DPP6: variants seen among roughly 807,000 people sequenced by gnomAD.
The protein encoded by DPP6 is A-type potassium channel modulatory protein DPP6.
DPP6 carries 69 observed loss-of-function variants against 122.6 expected under a neutral mutation model. The ratio of observed to expected loss-of-function variants is 0.56; its 90% CI spans 0.46 to 0.69. The LOEUF (loss-of-function observed/expected upper bound fraction) is 0.69. Among genes scored for constraint, DPP6 ranks in the 30% least tolerant of loss-of-function variants. The pLI is 0.00. For missense variants in DPP6, 928 were observed against 1,116.9 expected (o/e 0.83, Z 2.41); for synonymous variants, 418 against 433.1 (o/e 0.97, Z 0.43).
At chr7:153,947,210 A>G (rs1052654497) in intron 1 of DPP6, among the ~76,000 whole-genome samples, 18 of 152,154 alleles carry the variant, frequency 1.2e-4, no homozygotes, top group African/African-American at 3.9e-4. Flanking sequence ...CACTTACTGC[A>G]TTCCTTTCCC....
Position 154,626,943 on chromosome 7 carries a change from A to G in DPP6, c.628-10878A>G, listed in dbSNP as rs577561687. ...TTGTTTTATGTCATATGAGCTAAAC[A>G]TCTTTACCTTTTACTAAATATTTCA... On this transcript the variant is annotated intron_variant, in intron 5 of 25. Coordinates refer to ENST00000377770, the MANE Select transcript of DPP6 (RefSeq NM_130797.4). Among the ~76,000 whole-genome samples, 50 of 149,708 alleles carry G rather than the reference A, an allele frequency of 3.3e-4. 1 individual carries two copies. The South Asian group carries it at 0.01, about 30-fold the overall frequency.
intron 3 of DPP6, among the ~76,000 whole-genome samples, chr7:154,524,954 G>T (rs1450093520): frequency 6.6e-6 from 1 of 151,964 alleles, no homozygotes; most frequent in East Asian, 1.9e-4. Flanking sequence ...ATTTTTTCAA[G>T]GATCCCTGGC....
intron 1 of DPP6, among the ~76,000 whole-genome samples, chr7:154,017,077 GT>G (rs974524821): frequency 3.9e-5 from 6 of 152,114 alleles, no homozygotes; most frequent in East Asian, 1.9e-4. Context: ...AACAATATAT[GT>G]TTTTTTTGAG....
At chr7:153,847,514 G>C in the DPP6 span, among the ~76,000 whole-genome samples, 1 of 152,192 alleles carries the variant, frequency 6.6e-6, no homozygotes, top group South Asian at 2.1e-4. Context: ...TCTGAAAAGA[G>C]AGTGGATTTT....
At chr7:154,463,549 C>T (rs995509178) in intron 2 of DPP6, among the ~76,000 whole-genome samples, 2 of 152,048 alleles carry the variant, frequency 1.3e-5, no homozygotes, top group African/African-American at 4.8e-5. Context: ...TCCCTGTAGC[C>T]CCACAGCTGG....
chr7:154,562,432 T>C (rs1830480760), intron 4 of DPP6, among the ~76,000 whole-genome samples: 2 of 151,990 alleles, frequency 1.3e-5, no homozygotes, highest in African/African-American at 4.8e-5. Context: ...AAACTAGAAA[T>C]AGACAGGAAT....
intron 7 of DPP6, among the ~76,000 whole-genome samples, chr7:154,670,463 A>G (rs911022361): frequency 2.0e-5 from 3 of 152,260 alleles, no homozygotes; most frequent in Non-Finnish European, 2.9e-5. Context: ...CATGTAGTGA[A>G]GAATTTGGAT....
chr7:154,637,719 T>G, intron 5 of DPP6, 102 bp from the exon 6 acceptor site: 1 of 1,239,412 alleles, frequency 8.1e-7, no homozygotes, highest in Non-Finnish European at 1.1e-6. Context: ...ATTAGCTGCT[T>G]TTGGTTCACT....
intron 7 of DPP6, among the ~76,000 whole-genome samples, chr7:154,712,710 A>G (rs1841260500): frequency 6.6e-6 from 1 of 152,208 alleles, no homozygotes; most frequent in African/African-American, 2.4e-5. Context: ...AGGATAGGGG[A>G]AAACACCCCA....
At chr7:154,613,877 C>T (rs1400094905) in intron 5 of DPP6, among the ~76,000 whole-genome samples, 1 of 152,200 alleles carries the variant, frequency 6.6e-6, no homozygotes, top group East Asian at 1.9e-4. Context: ...CACAGCTGAG[C>T]AGCAGGACCT....
chr7:154,052,135 C>T (rs1375185586), upstream of DPP6, among the ~76,000 whole-genome samples: 4 of 151,136 alleles, frequency 2.6e-5, no homozygotes, highest in Non-Finnish European at 4.4e-5. This position sits in a 1 kb window ranked among gnomAD's most constrained non-coding sequence, Gnocchi z 4.8. Context: ...GCACTACCTT[C>T]GGTGGGGCCG....
chr7:154,883,873 C>T (rs1342164730), intron 21 of DPP6: 1 of 129,940 alleles, frequency 7.7e-6, no homozygotes, highest in African/African-American at 3.0e-5. Flanking sequence ...ACACATGCTC[C>T]CACATACATA....
chr7:153,840,185 T>C, the DPP6 span, among the ~76,000 whole-genome samples: 1 of 152,214 alleles, frequency 6.6e-6, no homozygotes, highest in African/African-American at 2.4e-5. Flanking sequence ...TTCACTAAAC[T>C]TGTTGCAAAC....
At chr7:154,736,485 T>TA (rs1364329718) in intron 8 of DPP6, among the ~76,000 whole-genome samples, 1 of 152,164 alleles carries the variant, frequency 6.6e-6, no homozygotes, top group East Asian at 1.9e-4. Context: ...TACCAGCTAT[T>TA]AAAAAACACA....
intron 1 of DPP6, among the ~76,000 whole-genome samples, chr7:153,979,001 G>C (rs373283607): frequency 0.012 from 1,803 of 152,066 alleles, 28 homozygotes; most frequent in African/African-American, 0.042. Flanking sequence ...TATTCTTTTT[G>C]CTTAGGATTG....
chr7:154,661,600 A>G (rs570505641), intron 6 of DPP6, among the ~76,000 whole-genome samples: 67 of 143,304 alleles, frequency 4.7e-4, no homozygotes, highest in Non-Finnish European at 7.8e-4. Context: ...CGTAGTGTTC[A>G]TATAGTCATG....
chr7:154,078,350 GTACACA>G (rs1416937303), intron 1 of DPP6, among the ~76,000 whole-genome samples: 1 of 63,488 alleles, frequency 1.6e-5, no homozygotes, highest in African/African-American at 7.6e-5. Context: ...CAGTGCATAT[GTACACA>G]CACACACACA....
At chr7:153,844,719 T>C in the DPP6 span, among the ~76,000 whole-genome samples, 1 of 152,252 alleles carries the variant, frequency 6.6e-6, no homozygotes, top group South Asian at 2.1e-4. Flanking sequence ...ACTCTTATGA[T>C]AGACTTTCTA....
In DPP6 at chr7:154,060,303, CT is replaced by C. The variant is rs1223186066; in HGVS notation, c.243+7241del. Among the ~76,000 whole-genome samples, 610 of 134,562 alleles carry C rather than the reference CT, an allele frequency of 4.5e-3. 24 individuals carry two copies. The highest frequency in any genetic ancestry group is 0.014 in the African/African-American group (496 of 35,982). The allele number at this position is 134,562 out of a possible 152,430, so 88.3% of individuals were successfully genotyped here. A position where few individuals can be genotyped will look rare whatever the true frequency, so the allele number is the denominator to read the frequency against. On this transcript the variant is annotated intron_variant, in intron 1 of 25. Transcript: ENST00000377770. ...CTGAGAGGCAATCCCTCTTCCCCCC[CT>C]GGCTCTTAGGACCCCCATCGCAGGA...
Sources: allele counts gnomAD v4.1 joint callset (sites outside exome capture counted in the v4.1 genomes callset), GRCh38; gene constraint gnomAD v4.1.1; non-coding constraint Gnocchi (gnomAD v3.1); transcripts MANE v1.5; gene names NCBI Gene and HGNC (gene_info 2026-07-23, HGNC 2026-07-21).